UNKL: variants seen among roughly 807,000 people sequenced by gnomAD.
UNKL encodes putative E3 ubiquitin-protein ligase UNKL.
A neutral mutation model predicts 78.0 loss-of-function variants in UNKL; 60 were observed. The ratio of observed to expected loss-of-function variants is 0.77; its 90% CI spans 0.63 to 0.95. UNKL has a LOEUF of 0.95. UNKL is among the 40% of genes least tolerant of loss of function. The pLI, the probability that UNKL is intolerant of heterozygous loss-of-function variation, is 0.00. For missense variants in UNKL, 1,159 were observed against 1,045.7 expected (o/e 1.11, Z -1.49); for synonymous variants, 608 against 474.8 (o/e 1.28, Z -3.65).
rs112792400 is a variant in UNKL, at chr16:1,398,239, C to T, written c.735-944G>A. ...CTGCAGTGAGCTGAGACTGCACCAC[C>T]GCACTCCAGCCTGGGCCACAGAGTG... On this transcript the variant is annotated intron_variant, in intron 5 of 14. Transcript: ENST00000389221. 1.6e-3 allele frequency: 1,486 copies of T among 930,924 alleles called. 65 individuals carry two copies. In the Admixed American group the frequency reaches 0.074, roughly 46 times the overall value. The allele number at this position is 930,924 out of a possible 1,614,324, so 57.7% of individuals were successfully genotyped here. A position where few individuals can be genotyped will look rare whatever the true frequency, so the allele number is the denominator to read the frequency against.
intron 11 of UNKL, 49 bp from the exon 12 acceptor site, chr16:1,370,406 C>A (rs1211413672): frequency 6.6e-7 from 1 of 1,522,584 alleles, no homozygotes; most frequent in East Asian, 2.5e-5. Flanking sequence ...AGGCCTCTGC[C>A]CAAACATCTG....
chr16:1,412,597 G>A (rs1226716614), intron 2 of UNKL, among the ~76,000 whole-genome samples: 4 of 152,218 alleles, frequency 2.6e-5, no homozygotes, highest in Admixed American at 6.5e-5. Context: ...GTGACAGAGC[G>A]AGACTCAGTC....
chr16:1,380,248 G>A (rs1567214610), intron 10 of UNKL, among the ~76,000 whole-genome samples: 1 of 151,808 alleles, frequency 6.6e-6, no homozygotes, highest in African/African-American at 2.4e-5. Context: ...TCCAGTCACA[G>A]TACACCTACA....
At chr16:1,374,825 A>T (rs545623121) in intron 10 of UNKL, among the ~76,000 whole-genome samples, 1 of 152,216 alleles carries the variant, frequency 6.6e-6, no homozygotes, top group South Asian at 2.1e-4. Context: ...AAGGGGCCGC[A>T]GAGGGACAAA....
intron 2 of UNKL, among the ~76,000 whole-genome samples, chr16:1,408,206 G>A (rs535167724): frequency 2.6e-5 from 4 of 152,218 alleles, no homozygotes; most frequent in Middle Eastern, 3.4e-3. Flanking sequence ...AAAAGCAAGC[G>A]CCTGCCCCTC....
chr16:1,366,398 G>A lies in UNKL; in HGVS notation c.2047-3C>T. 6.3e-7 allele frequency: 1 copy of A among 1,584,850 alleles called. No homozygotes were observed. The highest frequency in any genetic ancestry group is 8.6e-7 in the Non-Finnish European group (1 of 1,162,074). ...TTGGCGCGGAGCTGGAAGATCACCT[G>A]CAGGGCCAGAACAATGACGGGCTCA... On this transcript the variant is annotated splice_polypyrimidine_tract_variant and splice_region_variant and intron_variant, in intron 14 of 14. Coordinates refer to ENST00000389221, the MANE Select transcript of UNKL (RefSeq NM_001372107.1).
intron 5 of UNKL, chr16:1,398,681 A>ACGC: frequency 2.9e-6 from 2 of 694,512 alleles, no homozygotes; most frequent in South Asian, 2.2e-5. Flanking sequence ...TGGGGTCTGC[A>ACGC]CCCCCCCACC....
chr16:1,387,780 C>T lies in UNKL; in HGVS notation c.1087-2395G>A, dbSNP rs1169596801. Among the ~76,000 whole-genome samples the T allele has an allele frequency of 2.0e-5, 3 of 152,134 alleles. No individual in the cohort carries two copies. The highest frequency in any genetic ancestry group is 4.8e-5 in the African/African-American group (2 of 41,414). On this transcript the variant is annotated intron_variant, in intron 9 of 14. Coordinates refer to ENST00000389221, the MANE Select transcript of UNKL (RefSeq NM_001372107.1). The surrounding 1 kb of genome is among the most constrained non-coding windows in gnomAD (Gnocchi z 4.1). ...GACACTGCACCGCCGCACGGCTGCC[C>T]GGCCTGCGGAAGCCCTCCCCCACCC...
chr16:1,407,785 C>T (rs754099854), intron 2 of UNKL, among the ~76,000 whole-genome samples: 1 of 151,806 alleles, frequency 6.6e-6, no homozygotes, highest in South Asian at 2.1e-4. Context: ...TTTCTGAGAA[C>T]GAGACCCAGG....
chr16:1,414,427 C>T (rs1202939110), intron 1 of UNKL, among the ~76,000 whole-genome samples, 188 bp downstream of exon 1: 1 of 151,908 alleles, frequency 6.6e-6, no homozygotes, highest in Admixed American at 6.6e-5. Context: ...GGTGCCATCC[C>T]AGACCATGGG....
In UNKL at chr16:1,399,358, G is replaced by A. The variant is rs774431773; in HGVS notation, c.734+16C>T. 132 of 1,566,784 alleles carry A rather than the reference G, an allele frequency of 8.4e-5. 1 individual carries two copies. The East Asian group carries it at 2.7e-3, about 32-fold the overall frequency. On this transcript the variant is annotated intron_variant, in intron 5 of 14. Transcript: ENST00000389221. The surrounding 1 kb of genome is among the most constrained non-coding windows in gnomAD (Gnocchi z 5.8). ...CCACCAGCCGGAGTCCTCTGAGCAC[G>A]GTCCCGCAGGCTCACCTGTACTGGA...
chr16:1,402,316 G>A (rs2037563358), intron 3 of UNKL, among the ~76,000 whole-genome samples: 1 of 151,992 alleles, frequency 6.6e-6, no homozygotes, highest in Non-Finnish European at 1.5e-5. Flanking sequence ...CTGCCCTCCG[G>A]GCCCAGAAGA....
chr16:1,404,621 C>A (rs1308418577), intron 2 of UNKL, among the ~76,000 whole-genome samples: 1 of 152,146 alleles, frequency 6.6e-6, no homozygotes, highest in Non-Finnish European at 1.5e-5. Flanking sequence ...AGTACACATC[C>A]AAAAAACCTG....
chr16:1,378,660 C>T (rs906470872), intron 10 of UNKL, among the ~76,000 whole-genome samples: 1 of 152,204 alleles, frequency 6.6e-6, no homozygotes, highest in African/African-American at 2.4e-5. Context: ...CCTACCTCAG[C>T]CAAGTCACCT....
At chr16:1,405,485 G>A (rs8063449) in intron 2 of UNKL, among the ~76,000 whole-genome samples, 139,542 of 151,882 alleles carry the variant, frequency 0.92, 64,208 homozygotes, top group East Asian at 1. Context: ...GCTGAGGCAG[G>A]GAATTACTTG....
rs112565219 is a variant in UNKL, at chr16:1,403,014, A to C, written c.464+154T>G. ...CTCAAAAAAAGCAAAAAAAGGACTA[A>C]CATCCAGACTCAGAAAGAAATTCTG... On this transcript the variant is annotated intron_variant, in intron 3 of 14. Coordinates refer to ENST00000389221, the MANE Select transcript of UNKL (RefSeq NM_001372107.1). This position sits in a 1 kb window ranked among gnomAD's most constrained non-coding sequence, Gnocchi z 4.8. Among the ~76,000 whole-genome samples, 1,263 of 152,226 alleles carry C rather than the reference A, an allele frequency of 8.3e-3. 20 individuals are homozygous for C. Among genetic ancestry groups the C allele is most frequent in the African/African-American group, 0.029 (1,206 of 41,546 alleles).
At chr16:1,396,180 G>A (rs1284790279) in intron 6 of UNKL, among the ~76,000 whole-genome samples, 1 of 151,864 alleles carries the variant, frequency 6.6e-6, no homozygotes, top group African/African-American at 2.4e-5. Context: ...GACCTCAAGT[G>A]ATGTGCCCAC....
intron 10 of UNKL, among the ~76,000 whole-genome samples, chr16:1,382,370 T>C (rs1224318882): frequency 6.6e-6 from 1 of 152,114 alleles, no homozygotes; most frequent in Non-Finnish European, 1.5e-5. Context: ...AAGGCAGAAA[T>C]GAGGAGCCCT....
At chr16:1,394,552 TTAA>T in intron 6 of UNKL, 2 of 502,676 alleles carry the variant, frequency 4.0e-6, no homozygotes, top group South Asian at 3.1e-5. Context: ...TAAGTGCCTA[TTAA>T]AAGGAACACG....
Sources: allele counts gnomAD v4.1 joint callset (sites outside exome capture counted in the v4.1 genomes callset), GRCh38; gene constraint gnomAD v4.1.1; non-coding constraint Gnocchi (gnomAD v3.1); transcripts MANE v1.5; gene names NCBI Gene and HGNC (gene_info 2026-07-23, HGNC 2026-07-21).